The following SCFD2 variants were observed in gnomAD, a reference collection of about 807,000 sequenced individuals.
The protein encoded by SCFD2 is sec1 family domain containing 2, also known as sec1 family domain-containing protein 2.
In SCFD2, 54 loss-of-function variants were observed where a neutral mutation model predicts 58.9. The observed-to-expected ratio is 0.92, with a 90% CI of 0.74 to 1.15. SCFD2 has a LOEUF of 1.15. SCFD2 is among the 50% of genes most tolerant of loss of function. The pLI, the probability that SCFD2 is intolerant of heterozygous loss-of-function variation, is 0.00. For missense variants in SCFD2, 805 were observed against 836.6 expected (o/e 0.96, Z 0.47); for synonymous variants, 321 against 335.9 (o/e 0.96, Z 0.49).
chr4:53,298,244 C>T (rs1732120701), intron 3 of SCFD2, among the ~76,000 whole-genome samples: 1 of 152,170 alleles, frequency 6.6e-6, no homozygotes, highest in Non-Finnish European at 1.5e-5. Context: ...GTCACTCCCA[C>T]CCTAATACTG....
intron 4 of SCFD2, among the ~76,000 whole-genome samples, chr4:53,238,100 G>A (rs1308172402): frequency 6.9e-5 from 9 of 130,526 alleles, no homozygotes; most frequent in East Asian, 2.4e-4. Flanking sequence ...CCGGGCAGAG[G>A]GGCTCCTCAC....
At chr4:53,061,294 C>T (rs553731041) in intron 5 of SCFD2, among the ~76,000 whole-genome samples, 1 of 152,252 alleles carries the variant, frequency 6.6e-6, no homozygotes, top group South Asian at 2.1e-4. Context: ...TTTCTAAGTG[C>T]TTTCCACTGG....
chr4:53,169,031 T>C (rs889637063), intron 4 of SCFD2, among the ~76,000 whole-genome samples: 6 of 152,230 alleles, frequency 3.9e-5, no homozygotes, highest in Non-Finnish European at 8.8e-5. Flanking sequence ...CTTGACATAA[T>C]GTACACCAGG....
At chr4:52,987,845 C>T (rs921149096) in intron 5 of SCFD2, among the ~76,000 whole-genome samples, 1 of 152,226 alleles carries the variant, frequency 6.6e-6, no homozygotes, top group Non-Finnish European at 1.5e-5. Flanking sequence ...GCAATTCCCT[C>T]TCATCAAACT....
chr4:53,048,274 C>G (rs868260317), intron 5 of SCFD2, among the ~76,000 whole-genome samples: 1 of 152,242 alleles, frequency 6.6e-6, no homozygotes, highest in South Asian at 2.1e-4. Flanking sequence ...CCACTTGAAC[C>G]TGGAGGCAGA....
chr4:52,967,270 C>T (rs972440373), intron 5 of SCFD2, among the ~76,000 whole-genome samples: 1 of 152,118 alleles, frequency 6.6e-6, no homozygotes, highest in Admixed American at 6.5e-5. Flanking sequence ...TGGGGTTGGC[C>T]AGCTTCCACA....
chr4:52,986,352 G>A (rs1225581358), intron 5 of SCFD2, among the ~76,000 whole-genome samples: 1 of 151,950 alleles, frequency 6.6e-6, no homozygotes, highest in Non-Finnish European at 1.5e-5. Context: ...TAATAATGAC[G>A]GTGCAAGTTC....
chr4:53,214,794 T>C (rs991187897), intron 4 of SCFD2, among the ~76,000 whole-genome samples: 1 of 152,146 alleles, frequency 6.6e-6, no homozygotes, highest in Non-Finnish European at 1.5e-5. Context: ...AGGTCTAACA[T>C]GTAAGTCTTT....
intron 2 of SCFD2, among the ~76,000 whole-genome samples, chr4:53,338,949 A>G (rs1426895886): frequency 6.6e-6 from 1 of 152,156 alleles, no homozygotes; most frequent in Non-Finnish European, 1.5e-5. Flanking sequence ...CCCAGTGAAA[A>G]TATCAAAATA....
chr4:53,352,013 A>G (rs1490840437), intron 2 of SCFD2, among the ~76,000 whole-genome samples: 1 of 152,178 alleles, frequency 6.6e-6, no homozygotes, highest in East Asian at 1.9e-4. Flanking sequence ...AGAATTGTTA[A>G]TGAAGGACAA....
At chr4:53,015,433 A>G (rs1010100288) in intron 5 of SCFD2, among the ~76,000 whole-genome samples, 18 of 152,176 alleles carry the variant, frequency 1.2e-4, no homozygotes, top group African/African-American at 4.1e-4. Flanking sequence ...TATGCAAAAA[A>G]ACAAAAACAA....
chr4:53,250,400 A>G (rs1254882362), intron 4 of SCFD2, among the ~76,000 whole-genome samples: 8 of 152,216 alleles, frequency 5.3e-5, no homozygotes, highest in Non-Finnish European at 8.8e-5. Context: ...AACAAGACAG[A>G]AAGTTAACAA....
At chr4:53,295,151 A>G (rs1300874426) in intron 3 of SCFD2, among the ~76,000 whole-genome samples, 1 of 152,154 alleles carries the variant, frequency 6.6e-6, no homozygotes, top group Non-Finnish European at 1.5e-5. Context: ...TAAAATTTAA[A>G]TTAGTTTTTT....
chr4:53,177,263 A>T (rs1379483781), intron 4 of SCFD2, among the ~76,000 whole-genome samples: 1 of 152,182 alleles, frequency 6.6e-6, no homozygotes, highest in African/African-American at 2.4e-5. Flanking sequence ...GAGTTAGTTG[A>T]AGAAAGTAAA....
intron 5 of SCFD2, among the ~76,000 whole-genome samples, chr4:52,974,504 T>C (rs902858729): frequency 6.6e-6 from 1 of 152,046 alleles, no homozygotes; most frequent in Admixed American, 6.5e-5. Context: ...AAACCACTGC[T>C]CAAGGAAATA....
At chr4:53,225,247 C>T (rs943565875) in intron 4 of SCFD2, among the ~76,000 whole-genome samples, 2 of 152,096 alleles carry the variant, frequency 1.3e-5, no homozygotes, top group African/African-American at 4.8e-5. Flanking sequence ...TCTGAATGAA[C>T]ATGTTACTGA....
chr4:53,332,299 G>C (rs1314354115), intron 2 of SCFD2, among the ~76,000 whole-genome samples: 1 of 151,552 alleles, frequency 6.6e-6, no homozygotes, highest in Non-Finnish European at 1.5e-5. Flanking sequence ...AACCAAAAAA[G>C]AGAATTTTAG....
At chr4:53,180,492 A>T (rs1421304005) in intron 4 of SCFD2, among the ~76,000 whole-genome samples, 1 of 152,180 alleles carries the variant, frequency 6.6e-6, no homozygotes, top group Non-Finnish European at 1.5e-5. Context: ...TCTGGGACAC[A>T]TTCAAAGCAG....
At chr4:53,142,640 C>T (rs189377556) in intron 5 of SCFD2, among the ~76,000 whole-genome samples, 168 of 152,288 alleles carry the variant, frequency 1.1e-3, no homozygotes, top group African/African-American at 3.4e-3. Flanking sequence ...TCTACAAGAC[C>T]GAGTCAGAAT....
Sources: gnomAD v4.1 joint callset for allele counts (sites outside exome capture counted in the v4.1 genomes callset) on GRCh38, gnomAD v4.1.1 for gene constraint, MANE v1.5 for transcripts, NCBI Gene and HGNC (gene_info 2026-07-23, HGNC 2026-07-21) for gene names.